The following ZRANB3 variants were observed in gnomAD, a reference collection of about 807,000 sequenced individuals.
The protein encoded by ZRANB3 is zinc finger RANBP2-type containing 3, also known as DNA annealing helicase and endonuclease ZRANB3.
In ZRANB3, 125 loss-of-function variants were observed where a neutral mutation model predicts 133.8. That is an observed-to-expected ratio of 0.93 (90% confidence interval 0.81 to 1.08). The LOEUF (loss-of-function observed/expected upper bound fraction) is 1.08. Ranked by LOEUF, ZRANB3 falls within the 50% of genes least tolerant of loss-of-function variation. The pLI is 0.00. For synonymous variants in ZRANB3, 387 were observed against 432.7 expected, an observed-to-expected ratio of 0.89 and a Z score of 1.31; for missense variants, 1,229 against 1,275.5, an observed-to-expected ratio of 0.96 and a Z score of 0.56.
intron 8 of ZRANB3, among the ~76,000 whole-genome samples, chr2:135,289,871 C>G (rs1029432523): frequency 2.6e-5 from 4 of 152,136 alleles, no homozygotes; most frequent in African/African-American, 9.7e-5. Context: ...CCACTGCACT[C>G]CAGTGTGGGT....
chr2:135,254,420 C>T (rs1469922146), intron 12 of ZRANB3, among the ~76,000 whole-genome samples: 1 of 151,882 alleles, frequency 6.6e-6, no homozygotes, highest in African/African-American at 2.4e-5. Flanking sequence ...CTTATCTTCG[C>T]ATTCTCAAAA....
chr2:135,297,798 T>A (rs1422710551), intron 8 of ZRANB3, among the ~76,000 whole-genome samples: 1 of 152,262 alleles, frequency 6.6e-6, no homozygotes, highest in Admixed American at 6.5e-5. Context: ...ATTCTACTTG[T>A]TCAATTATAT....
chr2:135,219,106 T>G lies in ZRANB3; in HGVS notation c.2323A>C (p.Ser775Arg), dbSNP rs748948164. 9.2e-6 allele frequency: 14 copies of G among 1,528,832 alleles called. No individual in the cohort carries two copies. The highest frequency in any genetic ancestry group is 1.2e-5 in the Non-Finnish European group (14 of 1,143,230). 94.7% of individuals were successfully genotyped at this position (1,528,832 alleles called of 1,614,324 possible). ...GAGCGATATTGTTTCAGCTGAAAGC[T>G]TGCTGGTAAATCTTCCCAAAGGTCT... Reference protein sequence around the residue: ...KLDLWEDLPASFQLKQYRSLI... With the variant: ...KLDLWEDLPARFQLKQYRSLI... Residue 775 changes from serine (S) to arginine (R), a missense_variant, in exon 16 of 21, where the codon AGC becomes CGC. By Grantham distance (110) the Ser-to-Arg change is moderately radical (BLOSUM62 -1). Coordinates refer to ENST00000264159, the MANE Select transcript of ZRANB3 (RefSeq NM_032143.4).
chr2:135,413,535 C>T (rs1263072962), intron 2 of ZRANB3, among the ~76,000 whole-genome samples: 1 of 152,278 alleles, frequency 6.6e-6, no homozygotes, highest in East Asian at 1.9e-4. Context: ...TTACAAAGTA[C>T]TATCTCTCCT....
chr2:135,402,798 C>T (rs1341307399), intron 2 of ZRANB3, among the ~76,000 whole-genome samples: 7 of 152,066 alleles, frequency 4.6e-5, no homozygotes, highest in Admixed American at 4.6e-4. Context: ...GTTGGCCAGA[C>T]TGGTCTGGAA....
rs777948854 is a variant in ZRANB3 at position 135,207,510 on chromosome 2, C to A, written c.2933G>T (p.Arg978Leu). The A allele has an allele frequency of 1.2e-6, 2 of 1,613,996 alleles. No homozygotes were observed. The highest frequency in any genetic ancestry group is 2.2e-5 in the East Asian group (1 of 44,876). The change falls in exon 19 of 21, where the codon CGT (arginine) becomes CTT (leucine). Residue 978 changes from arginine to leucine, a missense_variant. Arg to Leu is a moderately radical substitution (Grantham distance 102). Coordinates refer to ENST00000264159, the MANE Select transcript of ZRANB3 (RefSeq NM_032143.4). ...CNVNAQELFL[R>L]LRDAPKSQRK... ...CTGACTTTTAGGGGCATCTCTCAGA[C>A]GTAAAAAGAGTTCTTGTGCGTTCAC...
intron 12 of ZRANB3, among the ~76,000 whole-genome samples, chr2:135,259,776 C>CTT (rs536637582): frequency 2.7e-5 from 4 of 145,662 alleles, no homozygotes; most frequent in African/African-American, 1.0e-4. Context: ...AATTAGAGTC[C>CTT]TTTTTTTTTT....
intron 5 of ZRANB3, 82 bp from the exon 6 acceptor site, chr2:135,345,717 T>C (rs1684889813): frequency 2.0e-6 from 2 of 977,234 alleles, no homozygotes; most frequent in East Asian, 2.6e-5. Context: ...TTTAACAAAA[T>C]AGTAGGAAGT....
chr2:135,287,670 C>CATTTTTTTTTT (rs1681450706), intron 8 of ZRANB3, among the ~76,000 whole-genome samples: 1 of 98,058 alleles, frequency 1.0e-5, no homozygotes, highest in Non-Finnish European at 2.0e-5. Context: ...TATTTCTTTC[C>CATTTTTTTTTT]TTTTTTTTTT....
At chr2:135,485,508 A>G (rs983688805) in intron 2 of ZRANB3, among the ~76,000 whole-genome samples, 1 of 152,196 alleles carries the variant, frequency 6.6e-6, no homozygotes, top group Non-Finnish European at 1.5e-5. Context: ...GATTATTACA[A>G]TAATTATTAT....
intron 8 of ZRANB3, among the ~76,000 whole-genome samples, chr2:135,297,367 C>T (rs1034939669): frequency 1.3e-5 from 2 of 152,214 alleles, no homozygotes; most frequent in African/African-American, 4.8e-5. Context: ...GGCATATGAC[C>T]CTCCGAGACA....
intron 8 of ZRANB3, among the ~76,000 whole-genome samples, chr2:135,292,683 T>G (rs775029270): frequency 2.0e-5 from 3 of 152,164 alleles, no homozygotes; most frequent in Admixed American, 6.6e-5. Context: ...GCCTATGTCT[T>G]AATGGTATTG....
chr2:135,375,887 T>C (rs1686409657), intron 3 of ZRANB3, among the ~76,000 whole-genome samples: 2 of 152,244 alleles, frequency 1.3e-5, no homozygotes, highest in East Asian at 3.9e-4. Context: ...TTACCATATG[T>C]TATGGGTTGA....
intron 3 of ZRANB3, among the ~76,000 whole-genome samples, chr2:135,360,525 G>GA (rs1685642873): frequency 6.6e-6 from 1 of 151,568 alleles, no homozygotes; most frequent in Admixed American, 6.6e-5. Flanking sequence ...CTAACACGGT[G>GA]AAACCCCATC....
At chr2:135,499,949 C>G (rs750221797) in intron 2 of ZRANB3, among the ~76,000 whole-genome samples, 1 of 152,040 alleles carries the variant, frequency 6.6e-6, no homozygotes, top group Admixed American at 6.6e-5. Context: ...ACCAATATGA[C>G]TAGTGTCCAT....
intron 1 of ZRANB3, among the ~76,000 whole-genome samples, chr2:135,526,936 T>A: frequency 6.6e-6 from 1 of 152,206 alleles, no homozygotes; most frequent in Non-Finnish European, 1.5e-5. Context: ...CTCAACCAAT[T>A]GTCAACCAGA....
intron 2 of ZRANB3, among the ~76,000 whole-genome samples, chr2:135,469,832 GA>G (rs1691174270): frequency 6.6e-6 from 1 of 151,290 alleles, no homozygotes; most frequent in East Asian, 1.9e-4. Context: ...ATAACACGGT[GA>G]AACCCCATCT....
At chr2:135,374,407 C>CAAACT (rs1458818526) in intron 3 of ZRANB3, among the ~76,000 whole-genome samples, 1 of 151,718 alleles carries the variant, frequency 6.6e-6, no homozygotes, top group South Asian at 2.1e-4. Flanking sequence ...CTACACTAAA[C>CAAACT]AAACTAAACT....
At chr2:135,388,105 C>A (rs563228362) in intron 3 of ZRANB3, among the ~76,000 whole-genome samples, 1 of 152,008 alleles carries the variant, frequency 6.6e-6, no homozygotes, top group Non-Finnish European at 1.5e-5. Context: ...TGGTGGAAGG[C>A]GAAAGAGGAG....
Sources: gnomAD v4.1 joint callset for allele counts (sites outside exome capture counted in the v4.1 genomes callset) on GRCh38, gnomAD v4.1.1 for gene constraint, MANE v1.5 for transcripts, NCBI Gene and HGNC (gene_info 2026-07-23, HGNC 2026-07-21) for gene names.